COL14A1: variants seen among roughly 807,000 people sequenced by gnomAD.
COL14A1 encodes the protein collagen type XIV alpha 1 chain, also known as collagen alpha-1(XIV) chain.
In COL14A1, 136 loss-of-function variants were observed where a neutral mutation model predicts 230.3. The observed-to-expected ratio is 0.59, with a 90% CI of 0.51 to 0.68. The LOEUF (loss-of-function observed/expected upper bound fraction) is 0.68. Ranked by LOEUF, COL14A1 falls within the 30% of genes least tolerant of loss-of-function variation. The probability of loss-of-function intolerance (pLI) is 0.00; values close to 1 mark genes in which losing one functional copy is unlikely to be tolerated. For synonymous variants in COL14A1, 792 were observed against 784.1 expected, an observed-to-expected ratio of 1.01 and a Z score of -0.17; for missense variants, 1,976 against 2,215.8, an observed-to-expected ratio of 0.89 and a Z score of 2.17.
At chr8:120,242,457 C>T (rs535999769) in intron 19 of COL14A1, among the ~76,000 whole-genome samples, 38 of 152,310 alleles carry the variant, frequency 2.5e-4, no homozygotes, top group African/African-American at 8.2e-4. Context: ...TTAACATCAA[C>T]ATGGGTGGTT....
chr8:120,194,981 G>C (rs1464193617), intron 5 of COL14A1, among the ~76,000 whole-genome samples: 1 of 152,150 alleles, frequency 6.6e-6, no homozygotes, highest in East Asian at 1.9e-4. Context: ...CCAGCTGATG[G>C]CTCTGTATTT....
chr8:120,161,407 C>T (rs1235667771), intron 3 of COL14A1, among the ~76,000 whole-genome samples: 2 of 152,126 alleles, frequency 1.3e-5, no homozygotes, highest in Non-Finnish European at 1.5e-5. Context: ...GAGTATTTAT[C>T]ATCAGCACTT....
At chr8:120,161,669 C>T (rs1390292734) in intron 3 of COL14A1, among the ~76,000 whole-genome samples, 1 of 152,006 alleles carries the variant, frequency 6.6e-6, no homozygotes, top group African/African-American at 2.4e-5. Flanking sequence ...CTCCCCTTCA[C>T]ATTTTTTTTT....
chr8:120,298,623 A>T (rs1158781294), intron 35 of COL14A1, among the ~76,000 whole-genome samples: 1 of 122,456 alleles, frequency 8.2e-6, no homozygotes, highest in African/African-American at 3.2e-5. Context: ...ATATATATAT[A>T]TATATATATA....
chr8:120,190,201 A>G (rs1321179617), intron 5 of COL14A1, among the ~76,000 whole-genome samples: 16 of 151,974 alleles, frequency 1.1e-4, no homozygotes, highest in African/African-American at 3.6e-4. Context: ...ATGGTATCTC[A>G]TTATGGTTTT....
intron 12 of COL14A1, among the ~76,000 whole-genome samples, chr8:120,210,905 T>C (rs1307069815): frequency 6.6e-6 from 1 of 152,056 alleles, no homozygotes; most frequent in Non-Finnish European, 1.5e-5. Flanking sequence ...TTGATCTAAA[T>C]TATTTTGACA....
chr8:120,310,378 G>A (rs1326077408), intron 37 of COL14A1, among the ~76,000 whole-genome samples: 2 of 152,118 alleles, frequency 1.3e-5, no homozygotes, highest in East Asian at 1.9e-4. Context: ...CAACAAAAAC[G>A]TATCTTTAGA....
intron 34 of COL14A1, among the ~76,000 whole-genome samples, chr8:120,296,483 G>T (rs1820535565): frequency 6.6e-6 from 1 of 151,862 alleles, no homozygotes; most frequent in Non-Finnish European, 1.5e-5. Context: ...GTTTGGCGAA[G>T]GATGGATAGT....
At chr8:120,242,882 A>G (rs914478180) in intron 19 of COL14A1, among the ~76,000 whole-genome samples, 7 of 152,186 alleles carry the variant, frequency 4.6e-5, no homozygotes, top group Admixed American at 3.9e-4. Context: ...CATGATTTAT[A>G]GGTTCCTTCC....
At chr8:120,225,761 A>G (rs542075301) in intron 15 of COL14A1, among the ~76,000 whole-genome samples, 3 of 152,220 alleles carry the variant, frequency 2.0e-5, no homozygotes, top group African/African-American at 7.2e-5. Context: ...GCCACTTTTT[A>G]TCTCTTGGTG....
At chr8:120,258,620 T>C (rs569290873) in intron 23 of COL14A1, among the ~76,000 whole-genome samples, 1 of 152,194 alleles carries the variant, frequency 6.6e-6, no homozygotes, top group African/African-American at 2.4e-5. Flanking sequence ...GTAAATATTA[T>C]GACATTTTTA....
rs571721015 is a variant in COL14A1, at chr8:120,239,623, A to G, written c.2350-4256A>G. On this transcript the variant is annotated intron_variant, in intron 19 of 47. Transcript: ENST00000297848. Reference sequence around the variant, plus strand: ...CTTAAACAAAATAGATTGAATTACAAATTCACTCAGACCATACACTTCAAA... The same window carrying G: ...CTTAAACAAAATAGATTGAATTACAGATTCACTCAGACCATACACTTCAAA... Among the ~76,000 whole-genome samples the G allele has an allele frequency of 2.6e-5, 4 of 152,334 alleles. No individual in the cohort carries two copies. The South Asian group carries it at 6.2e-4, about 24-fold the overall frequency.
intron 1 of COL14A1, among the ~76,000 whole-genome samples, chr8:120,136,987 AG>A (rs1814736143): frequency 7.8e-6 from 1 of 127,804 alleles, no homozygotes; most frequent in Non-Finnish European, 1.6e-5. Context: ...AAAAAAAAAA[AG>A]GTTATGCTAG....
In COL14A1 at chr8:120,280,737, AT is replaced by A. The variant is rs1820007709; in HGVS notation, c.3675del (p.Ile1225MetfsTer8). On this transcript the variant is annotated frameshift_variant, in exon 30 of 48. Coordinates refer to ENST00000297848, the MANE Select transcript of COL14A1 (RefSeq NM_021110.4). LOFTEE classifies it high-confidence loss of function. ...ATCPVVHKDGIDLAGFKMMEM... is the reference protein window; with the variant it reads ...ATCPVVHKDGXDLAGFKMMEM... ...CTGTCCAGTGGTACACAAGGATGGC[AT>A]TGATCTTGCAGGTATGCATTATCAC... 6.2e-7 allele frequency: 1 copy of A among 1,613,438 alleles called. No individual in the cohort carries two copies. Among genetic ancestry groups the A allele is most frequent in the African/African-American group, 1.3e-5 (1 of 74,912 alleles).
intron 25 of COL14A1, among the ~76,000 whole-genome samples, chr8:120,268,768 A>T (rs1395768061): frequency 1.3e-5 from 2 of 151,704 alleles, no homozygotes; most frequent in African/African-American, 4.8e-5. Context: ...ATGCATGTGG[A>T]TATATTTTCT....
chr8:120,285,933 C>A lies in COL14A1; in HGVS notation c.4040C>A (p.Pro1347His). 2 of 1,609,754 alleles carry A rather than the reference C, an allele frequency of 1.2e-6. No individual in the cohort carries two copies. The highest frequency in any genetic ancestry group is 1.7e-6 in the Non-Finnish European group (2 of 1,176,328). ...TTTCAAACTGTTACTTTCGAAGGACCTGAAATTAGGAAAATTTTTTATGGA... is the reference window on the plus strand; with the variant it reads ...TTTCAAACTGTTACTTTCGAAGGACATGAAATTAGGAAAATTTTTTATGGA... ...GDFQTVTFEGPEIRKIFYGSF... is the reference protein window; with the variant it reads ...GDFQTVTFEGHEIRKIFYGSF... The change falls in exon 33 of 48, where the codon CCT becomes CAT. Residue 1347 changes from proline (P) to histidine (H), a missense_variant. By Grantham distance (77) the Pro-to-His change is moderately conservative. Coordinates refer to ENST00000297848, the MANE Select transcript of COL14A1 (RefSeq NM_021110.4).
intron 8 of COL14A1, among the ~76,000 whole-genome samples, chr8:120,202,407 T>G (rs557025886): frequency 8.5e-5 from 13 of 152,292 alleles, no homozygotes; most frequent in Non-Finnish European, 1.6e-4. Context: ...TAAGAAGTAA[T>G]TCATGTTGCC....
In COL14A1 at chr8:120,372,930, G is replaced by A. The variant is rs1017422649; in HGVS notation, c.*1699G>A. On this transcript the variant is annotated 3_prime_UTR_variant, in exon 48 of 48. Coordinates refer to ENST00000297848, the MANE Select transcript of COL14A1 (RefSeq NM_021110.4). ...CAGCAGCCATTTCCTTTCAGTTATG[G>A]TATATGATTCTGCCTGAGAAAGCAG... is the stretch of plus-strand genomic sequence containing the variant. 6.6e-6 allele frequency among the ~76,000 whole-genome samples: 1 copy of A among 152,104 alleles called. No homozygotes were observed. Among genetic ancestry groups the A allele is most frequent in the Non-Finnish European group, 1.5e-5 (1 of 68,026 alleles).
intron 1 of COL14A1, among the ~76,000 whole-genome samples, chr8:120,132,191 A>T (rs1693744819): frequency 6.6e-6 from 1 of 152,030 alleles, no homozygotes; most frequent in Non-Finnish European, 1.5e-5. Flanking sequence ...ATAATGTTAG[A>T]TCTTACATTT....
Sources: gnomAD v4.1 joint callset for allele counts (sites outside exome capture counted in the v4.1 genomes callset) on GRCh38, gnomAD v4.1.1 for gene constraint, MANE v1.5 for transcripts, NCBI Gene and HGNC (gene_info 2026-07-23, HGNC 2026-07-21) for gene names.